The following EPHA6 variants were observed in gnomAD, a reference collection of about 807,000 sequenced individuals.
EPHA6 encodes ephrin type-A receptor 6.
Under a neutral mutation model 112.0 loss-of-function variants are expected in EPHA6, and 50 were observed. That is an observed-to-expected ratio of 0.45 (90% CI 0.36 to 0.56). The LOEUF (loss-of-function observed/expected upper bound fraction) is 0.56. Among genes scored for constraint, EPHA6 ranks in the 20% least tolerant of loss-of-function variants. EPHA6 has a pLI of 0.00. For missense variants in EPHA6, 1,280 were observed against 1,417.4 expected, an observed-to-expected ratio of 0.90 and a Z score of 1.56; for synonymous variants, 529 against 490.7, an observed-to-expected ratio of 1.08 and a Z score of -1.03.
At chr3:97,043,453 C>T (rs1401723288) in intron 3 of EPHA6, among the ~76,000 whole-genome samples, 1 of 152,102 alleles carries the variant, frequency 6.6e-6, no homozygotes, top group Admixed American at 6.6e-5. Flanking sequence ...GTATCAGGAA[C>T]CCTGGAAAAC....
At chr3:97,285,020 CGT>C (rs1314856379) in intron 5 of EPHA6, among the ~76,000 whole-genome samples, 49 of 151,996 alleles carry the variant, frequency 3.2e-4, no homozygotes, top group Admixed American at 3.2e-3. Context: ...TTTGACTATA[CGT>C]GTGTCAAAAA....
In EPHA6 at chr3:97,331,198, C is replaced by T. The variant is rs184808066; in HGVS notation, c.1607-73952C>T. Among the ~76,000 whole-genome samples, 398 of 152,008 alleles carry T rather than the reference C, an allele frequency of 2.6e-3. 3 individuals carry two copies. Among genetic ancestry groups the T allele is most frequent in the African/African-American group, 9.0e-3 (372 of 41,482 alleles). ...AAATAAAGATGTTCTTTGAAACCAG[C>T]GAGAACAAAGACACAACATACCAGA... On this transcript the variant is annotated intron_variant, in intron 5 of 17. Coordinates refer to ENST00000389672, the MANE Select transcript of EPHA6 (RefSeq NM_001080448.3).
At chr3:97,570,216 T>C (rs1041125260) in intron 11 of EPHA6, among the ~76,000 whole-genome samples, 4 of 152,028 alleles carry the variant, frequency 2.6e-5, no homozygotes, top group Non-Finnish European at 5.9e-5. Context: ...TAGAAGCAAG[T>C]GGCCAGGAAA....
chr3:97,271,186 T>G (rs1257232894), intron 5 of EPHA6, among the ~76,000 whole-genome samples: 2 of 152,254 alleles, frequency 1.3e-5, no homozygotes, highest in Admixed American at 6.5e-5. Flanking sequence ...GATTGTCCTA[T>G]GCAAACTTAC....
chr3:97,580,114 C>T (rs1402022372), intron 11 of EPHA6, among the ~76,000 whole-genome samples: 1 of 152,128 alleles, frequency 6.6e-6, no homozygotes, highest in Non-Finnish European at 1.5e-5. Context: ...TTTTGTGGTG[C>T]CATAATTTGT....
chr3:96,934,563 G>A (rs2040487386), intron 2 of EPHA6, among the ~76,000 whole-genome samples: 1 of 151,192 alleles, frequency 6.6e-6, no homozygotes, highest in Admixed American at 6.6e-5. Flanking sequence ...TTTTTGTTGT[G>A]TTAAACTACC....
At chr3:97,669,575 A>C (rs985435865) in intron 14 of EPHA6, among the ~76,000 whole-genome samples, 1 of 151,672 alleles carries the variant, frequency 6.6e-6, no homozygotes, top group African/African-American at 2.4e-5. Flanking sequence ...CAGCCTGGGC[A>C]ACATAGTGAT....
At chr3:97,002,647 G>A (rs2043708698) in intron 3 of EPHA6, among the ~76,000 whole-genome samples, 1 of 151,692 alleles carries the variant, frequency 6.6e-6, no homozygotes, top group South Asian at 2.1e-4. Flanking sequence ...GTATAAATAT[G>A]TTTTGAGTGA....
intron 4 of EPHA6, among the ~76,000 whole-genome samples, chr3:97,229,957 GA>G (rs1320816174): frequency 6.6e-6 from 1 of 151,878 alleles, no homozygotes; most frequent in African/African-American, 2.4e-5. Context: ...CTCACTTATG[GA>G]AAAAAGTTTT....
intron 5 of EPHA6, among the ~76,000 whole-genome samples, chr3:97,353,177 G>T (rs1225101347): frequency 6.6e-6 from 1 of 151,952 alleles, no homozygotes; most frequent in Non-Finnish European, 1.5e-5. Flanking sequence ...TTGGGTGAGA[G>T]CCAGGGCCAT....
At chr3:97,207,185 T>C (rs2077736928) in intron 3 of EPHA6, among the ~76,000 whole-genome samples, 1 of 152,168 alleles carries the variant, frequency 6.6e-6, no homozygotes, top group African/African-American at 2.4e-5. Context: ...AAAAAAGCTG[T>C]ATCAGAATAT....
chr3:97,054,878 C>T (rs2045803777), intron 3 of EPHA6, among the ~76,000 whole-genome samples: 1 of 151,588 alleles, frequency 6.6e-6, no homozygotes, highest in African/African-American at 2.4e-5. Flanking sequence ...CTTTATAAAC[C>T]TTTCCAAGGG....
intron 7 of EPHA6, among the ~76,000 whole-genome samples, chr3:97,461,075 C>G (rs1370693801): frequency 6.6e-6 from 1 of 152,168 alleles, no homozygotes; most frequent in Non-Finnish European, 1.5e-5. Context: ...AGTTAACTAT[C>G]ACCATAATCC....
At chr3:96,931,018 A>G (rs9818432) in intron 2 of EPHA6, among the ~76,000 whole-genome samples, 16,334 of 84,376 alleles carry the variant, frequency 0.19, 3,778 homozygotes, top group Admixed American at 0.39. Flanking sequence ...AAAAAAAAAA[A>G]AAAGAAAAGC....
chr3:97,238,724 A>G (rs1397469107), intron 4 of EPHA6, among the ~76,000 whole-genome samples: 1 of 151,910 alleles, frequency 6.6e-6, no homozygotes, highest in Non-Finnish European at 1.5e-5. Flanking sequence ...AGGAGTTGTC[A>G]CAAAGGAGGT....
intron 5 of EPHA6, among the ~76,000 whole-genome samples, chr3:97,293,152 C>T (rs1441592042): frequency 2.6e-5 from 4 of 151,648 alleles, no homozygotes; most frequent in African/African-American, 7.3e-5. Flanking sequence ...ATTCCTCAGC[C>T]GGGTCATCCC....
In EPHA6 at chr3:97,625,022, A is replaced by G. The variant is rs545981803; in HGVS notation, c.2575-12851A>G. ...ACTTTTGGTTTTGTGGATTTTCTTT[A>G]TTGTTTTTCTATTCTCTATTTTATT... is the stretch of plus-strand genomic sequence containing the variant. On this transcript the variant is annotated intron_variant, in intron 13 of 17. Coordinates refer to ENST00000389672, the MANE Select transcript of EPHA6 (RefSeq NM_001080448.3). 6.6e-5 allele frequency among the ~76,000 whole-genome samples: 10 copies of G among 150,856 alleles called. No homozygotes were observed. In the East Asian group the frequency reaches 7.8e-4, roughly 12 times the overall value.
chr3:96,913,161 TACAC>T (rs768422240), intron 2 of EPHA6, among the ~76,000 whole-genome samples: 17,987 of 122,956 alleles, frequency 0.15, 1,312 homozygotes, highest in East Asian at 0.27. Context: ...AGACCCCGTC[TACAC>T]ACACACACAC....
chr3:97,587,037 G>A (rs113416542), intron 11 of EPHA6, among the ~76,000 whole-genome samples: 13 of 152,074 alleles, frequency 8.5e-5, no homozygotes, highest in African/African-American at 3.1e-4. Flanking sequence ...GAGGTCAGGA[G>A]TTGGAGACCA....
Sources: gnomAD v4.1 joint callset for allele counts (sites outside exome capture counted in the v4.1 genomes callset) on GRCh38, gnomAD v4.1.1 for gene constraint, MANE v1.5 for transcripts, NCBI Gene and HGNC (gene_info 2026-07-23, HGNC 2026-07-21) for gene names.